PRRG4: variants seen among roughly 807,000 people sequenced by gnomAD.
The protein encoded by PRRG4 is transmembrane gamma-carboxyglutamic acid protein 4.
Under a neutral mutation model 20.0 loss-of-function variants are expected in PRRG4, and 12 were observed. The ratio of observed to expected loss-of-function variants is 0.60; its 90% CI spans 0.38 to 0.97. PRRG4 has a LOEUF of 0.97. Among genes scored for constraint, PRRG4 ranks in the 50% least tolerant of loss-of-function variants. PRRG4 has a pLI of 0.00. For synonymous variants in PRRG4, 94 were observed against 96.4 expected (o/e 0.98, Z 0.15); for missense variants, 199 against 265.1 (o/e 0.75, Z 1.73).
chr11:32,853,311 T>C lies in PRRG4; in HGVS notation c.465T>C (p.Tyr155=). Residue 155 remains tyrosine, a synonymous_variant, in exon 6 of 6, where the codon TAT becomes TAC. Transcript: ENST00000257836. ...CTCTGCTTAGCTCTTCAGCCGTCTA[T>C]GAAAGGGGGAGGCACACTCCCTCCA... The part of the protein sequence containing the change: ...RLQHPCSSAV[Y]ERGRHTPSII... 1 of 1,613,914 alleles carries C rather than the reference T, an allele frequency of 6.2e-7. No homozygotes were observed. Among genetic ancestry groups the C allele is most frequent in the Non-Finnish European group, 8.5e-7 (1 of 1,179,796 alleles).
intron 3 of PRRG4, among the ~76,000 whole-genome samples, chr11:32,837,567 T>C (rs941148719): frequency 6.9e-6 from 1 of 145,320 alleles, no homozygotes; most frequent in Non-Finnish European, 1.5e-5. Context: ...ATTATTATTA[T>C]TATTATTATT....
chr11:32,841,030 C>T (rs1256503407), intron 5 of PRRG4, among the ~76,000 whole-genome samples: 1 of 151,544 alleles, frequency 6.6e-6, no homozygotes, highest in African/African-American at 2.4e-5. Context: ...TGATTATCTT[C>T]CCAGTAAGTA....
At chr11:32,832,479 C>CTTTTTCTTTT (rs761893280) in intron 2 of PRRG4, among the ~76,000 whole-genome samples, 15 of 121,246 alleles carry the variant, frequency 1.2e-4, no homozygotes, top group African/African-American at 4.1e-4. Context: ...TGGTGAAATT[C>CTTTTTCTTTT]TTTTTTTTTT....
intron 5 of PRRG4, among the ~76,000 whole-genome samples, chr11:32,844,771 G>A (rs1851113120): frequency 6.6e-6 from 1 of 152,022 alleles, no homozygotes; most frequent in Non-Finnish European, 1.5e-5. Flanking sequence ...AAAGTGCTGG[G>A]ATTACAGGCA....
At chr11:32,830,252 G>T in intron 1 of PRRG4, 79 bp downstream of exon 1, 1 of 1,039,520 alleles carries the variant, frequency 9.6e-7, no homozygotes, top group Non-Finnish European at 1.2e-6. Flanking sequence ...GGTTGGATTC[G>T]AACACATAGC....
intron 5 of PRRG4, among the ~76,000 whole-genome samples, chr11:32,845,332 T>C (rs368813241): frequency 4.2e-4 from 64 of 152,096 alleles, no homozygotes; most frequent in Admixed American, 3.9e-4. Flanking sequence ...ACTTGTAAGA[T>C]AGAGAACACT....
intron 3 of PRRG4, 90 bp downstream of exon 3, chr11:32,836,911 A>G: frequency 1.9e-6 from 2 of 1,035,794 alleles, no homozygotes; most frequent in Non-Finnish European, 2.9e-6. Flanking sequence ...TTATGCCTTA[A>G]ACACAATCAG....
intron 2 of PRRG4, among the ~76,000 whole-genome samples, chr11:32,832,001 T>C (rs1318233426): frequency 6.6e-6 from 1 of 150,470 alleles, no homozygotes; most frequent in African/African-American, 2.4e-5. Context: ...AAAATAAAAA[T>C]AAAAGCAAAT....
At chr11:32,829,825 C>G (rs1850944789), upstream of PRRG4, 1 of 985,404 alleles carries the variant, frequency 1.0e-6, no homozygotes, top group Non-Finnish European at 1.2e-6. Flanking sequence ...CGCGGGCTCC[C>G]GGGAGACGCC....
chr11:32,831,195 C>T (rs1207497177), intron 2 of PRRG4, among the ~76,000 whole-genome samples: 1 of 152,114 alleles, frequency 6.6e-6, no homozygotes, highest in Non-Finnish European at 1.5e-5. Flanking sequence ...TGGAAGTCCA[C>T]AGTTTTTAGG....
intron 5 of PRRG4, among the ~76,000 whole-genome samples, chr11:32,843,729 TG>T (rs574113101): frequency 1.5e-4 from 5 of 33,390 alleles, no homozygotes; most frequent in African/African-American, 2.2e-4. Context: ...CCCGTTTTTC[TG>T]TTTTTTTTTT....
rs1182927159 is a variant in PRRG4 at position 32,836,870 on chromosome 11, A to G, written c.267+49A>G. The G allele has an allele frequency of 2.7e-6, 4 of 1,490,800 alleles. No homozygotes were observed. The Admixed American group carries it at 5.6e-5, about 21-fold the overall frequency. 92.3% of individuals were successfully genotyped at this position (1,490,800 alleles called of 1,614,324 possible). ...TGGCTGGAAATGTTAAATTGTACTTAAGAAAGTGGCACTTTCAGTTATTAG... is the reference window on the plus strand; with the variant it reads ...TGGCTGGAAATGTTAAATTGTACTTGAGAAAGTGGCACTTTCAGTTATTAG... On this transcript the variant is annotated intron_variant, in intron 3 of 5. Transcript: ENST00000257836.
intron 2 of PRRG4, among the ~76,000 whole-genome samples, chr11:32,835,169 A>G (rs887868525): frequency 2.6e-5 from 4 of 152,360 alleles, no homozygotes; most frequent in African/African-American, 9.6e-5. Flanking sequence ...TAGACAAAAT[A>G]GTTTTAGAAC....
chr11:32,834,706 C>T (rs895215268), intron 2 of PRRG4, among the ~76,000 whole-genome samples: 8 of 151,694 alleles, frequency 5.3e-5, no homozygotes, highest in Non-Finnish European at 8.8e-5. Context: ...CAATATAAAA[C>T]ATTATGGAGA....
chr11:32,831,724 G>A (rs1267719719), intron 2 of PRRG4, among the ~76,000 whole-genome samples: 1 of 152,126 alleles, frequency 6.6e-6, no homozygotes, highest in Admixed American at 6.5e-5. Context: ...CATGACACGG[G>A]TATAAGAGAC....
chr11:32,853,980 A>G lies in PRRG4; in HGVS notation c.*453A>G, dbSNP rs1851208140. On this transcript the variant is annotated 3_prime_UTR_variant, in exon 6 of 6. Coordinates refer to ENST00000257836, the MANE Select transcript of PRRG4 (RefSeq NM_024081.6). The stretch of plus-strand genomic sequence containing the variant: ...AACTTTTTATGACAAACTGCAAGGA[A>G]TAAAGGAAGAATAAGTCCATGTACT... 5.7e-6 allele frequency: 1 copy of G among 174,900 alleles called. No homozygotes were observed. Among genetic ancestry groups the G allele is most frequent in the Non-Finnish European group, 1.2e-5 (1 of 80,786 alleles). 10.8% of individuals were successfully genotyped at this position (174,900 alleles called of 1,614,324 possible).
At chr11:32,852,509 A>G (rs1474990415) in intron 5 of PRRG4, among the ~76,000 whole-genome samples, 1 of 152,210 alleles carries the variant, frequency 6.6e-6, no homozygotes, top group Admixed American at 6.5e-5. Context: ...GCCACCTTTC[A>G]ACAAAGCCTG....
chr11:32,853,626 G>A lies in PRRG4; in HGVS notation c.*99G>A, dbSNP rs765424753. The A allele has an allele frequency of 6.5e-6, 6 of 922,998 alleles. No homozygotes were observed. The highest frequency in any genetic ancestry group is 1.0e-5 in the Non-Finnish European group (6 of 596,744). The allele number at this position is 922,998 out of a possible 1,614,324, so 57.2% of individuals were successfully genotyped here. A position where few individuals can be genotyped will look rare whatever the true frequency, so the allele number is the denominator to read the frequency against. On this transcript the variant is annotated 3_prime_UTR_variant, in exon 6 of 6. Transcript: ENST00000257836. ...CAGCACTTTGGGAGGCCAGGAGTTC[G>A]AGACCAGCCTGGCCAACATGGTGAA...
intron 5 of PRRG4, among the ~76,000 whole-genome samples, chr11:32,845,853 T>A (rs1389151711): frequency 2.0e-5 from 3 of 151,712 alleles, no homozygotes; most frequent in African/African-American, 4.8e-5. Flanking sequence ...AAAGATTTTT[T>A]AAAAAAATAA....
Sources: allele counts gnomAD v4.1 joint callset (sites outside exome capture counted in the v4.1 genomes callset), GRCh38; gene constraint gnomAD v4.1.1; transcripts MANE v1.5; gene names NCBI Gene and HGNC (gene_info 2026-07-23, HGNC 2026-07-21).